OSBPL6: variants seen among roughly 807,000 people sequenced by gnomAD.
The protein encoded by OSBPL6 is oxysterol binding protein like 6.
In OSBPL6, 49 loss-of-function variants were observed where a neutral mutation model predicts 125.8. That is an observed-to-expected ratio of 0.39 (90% CI 0.31 to 0.49). OSBPL6 has a LOEUF of 0.49. Ranked by LOEUF, OSBPL6 falls within the 20% of genes least tolerant of loss-of-function variation. The pLI, the probability that OSBPL6 is intolerant of heterozygous loss-of-function variation, is 0.88. For synonymous variants in OSBPL6, 394 were observed against 391.8 expected (o/e 1.01, Z -0.07); for missense variants, 986 against 1,135.4 (o/e 0.87, Z 1.89).
chr2:178,266,092 A>G (rs921836249), intron 1 of OSBPL6, among the ~76,000 whole-genome samples: 5 of 152,186 alleles, frequency 3.3e-5, no homozygotes, highest in African/African-American at 4.8e-5. Context: ...TTTCGGGCCA[A>G]GGAAACAGAA....
At chr2:178,354,176 A>G (rs1045015201) in intron 12 of OSBPL6, among the ~76,000 whole-genome samples, 5 of 152,264 alleles carry the variant, frequency 3.3e-5, no homozygotes, top group African/African-American at 4.8e-5. Context: ...AAACTGCGTC[A>G]GTTAACAGGC....
At chr2:178,234,461 A>G (rs2090966450) in intron 1 of OSBPL6, among the ~76,000 whole-genome samples, 1 of 152,180 alleles carries the variant, frequency 6.6e-6, no homozygotes. Flanking sequence ...TTTTAAGATA[A>G]TTATAGATTC....
At chr2:178,385,001 C>A (rs750741453) in intron 18 of OSBPL6, among the ~76,000 whole-genome samples, 3 of 152,034 alleles carry the variant, frequency 2.0e-5, no homozygotes, top group Non-Finnish European at 4.4e-5. Flanking sequence ...AACCAAACAC[C>A]GCATGTTCTC....
At chr2:178,269,037 T>C (rs2092313941) in intron 1 of OSBPL6, among the ~76,000 whole-genome samples, 1 of 152,240 alleles carries the variant, frequency 6.6e-6, no homozygotes, top group Non-Finnish European at 1.5e-5. Flanking sequence ...TGGTCCATAT[T>C]GCTTTGCATA....
At position 178,383,050 on chromosome 2, in the gene OSBPL6, G is replaced by C; in HGVS notation, c.1648G>C (p.Ala550Pro). ...CCTGAATGGGGAGCTTACAGGAGGG[G>C]CCTTCCGAAATGGGCGTCGAGCATG... Reference protein sequence around the residue: ...QILNGELTGGAFRNGRRACLP... With the variant: ...QILNGELTGGPFRNGRRACLP... The change falls in exon 17 of 25, where the codon GCC becomes CCC. Residue 550 changes from alanine to proline, a missense_variant. Around this residue, in one of 3 missense-constraint regions of OSBPL6, gnomAD observed 843 missense variants for 997.3 expected, o/e 0.85. Transcript: ENST00000190611. 6.2e-7 allele frequency: 1 copy of C among 1,614,176 alleles called. No homozygotes were observed.
chr2:178,219,943 G>T (rs985377798), intron 1 of OSBPL6, among the ~76,000 whole-genome samples: 9 of 152,146 alleles, frequency 5.9e-5, no homozygotes, highest in African/African-American at 2.2e-4. Flanking sequence ...CCTAAGTGGT[G>T]GTCTGGGGAT....
At chr2:178,228,406 G>A (rs546221862) in intron 1 of OSBPL6, among the ~76,000 whole-genome samples, 8 of 152,288 alleles carry the variant, frequency 5.3e-5, no homozygotes, top group African/African-American at 1.2e-4. Flanking sequence ...GTGGTGGCGT[G>A]CGCCTGTAGT....
intron 1 of OSBPL6, among the ~76,000 whole-genome samples, chr2:178,201,948 A>G (rs1342073873): frequency 6.6e-6 from 1 of 152,258 alleles, no homozygotes; most frequent in African/African-American, 2.4e-5. Context: ...TAGTAGGCTC[A>G]TAGAACTTTC....
intron 1 of OSBPL6, among the ~76,000 whole-genome samples, chr2:178,263,481 A>T (rs1476729584): frequency 1.3e-5 from 2 of 152,248 alleles, no homozygotes; most frequent in Admixed American, 6.5e-5. Context: ...TCAGTCCCAA[A>T]AAAAGGAATA....
intron 1 of OSBPL6, among the ~76,000 whole-genome samples, chr2:178,245,514 C>T (rs1228334139): frequency 6.6e-6 from 1 of 152,196 alleles, no homozygotes; most frequent in East Asian, 1.9e-4. Flanking sequence ...TATTCCAAGT[C>T]AGTGTGTGTT....
At chr2:178,257,198 A>G (rs1220313605) in intron 1 of OSBPL6, among the ~76,000 whole-genome samples, 2 of 152,200 alleles carry the variant, frequency 1.3e-5, no homozygotes, top group Non-Finnish European at 2.9e-5. Flanking sequence ...TGAGTTTTAT[A>G]ATGGTTGATT....
intron 1 of OSBPL6, among the ~76,000 whole-genome samples, chr2:178,270,569 C>T (rs1178112823): frequency 1.3e-5 from 2 of 152,176 alleles, no homozygotes; most frequent in African/African-American, 2.4e-5. Flanking sequence ...CTTAGCCACT[C>T]ACCGCATGAC....
chr2:178,200,111 C>T (rs746371011), intron 1 of OSBPL6, among the ~76,000 whole-genome samples: 1 of 152,098 alleles, frequency 6.6e-6, no homozygotes, highest in Admixed American at 6.5e-5. Flanking sequence ...AAGATTAAAG[C>T]ACATTTCTTT....
At chr2:178,205,531 A>C (rs1361224243) in intron 1 of OSBPL6, among the ~76,000 whole-genome samples, 4 of 152,216 alleles carry the variant, frequency 2.6e-5, no homozygotes, top group Non-Finnish European at 5.9e-5. Flanking sequence ...TTCTAGAAAA[A>C]GAAAATAAGC....
chr2:178,307,761 A>G (rs899425484), intron 3 of OSBPL6, among the ~76,000 whole-genome samples: 1 of 152,052 alleles, frequency 6.6e-6, no homozygotes, highest in Admixed American at 6.6e-5. Flanking sequence ...AAGCAGCATG[A>G]CCTTCCTGAC....
intron 1 of OSBPL6, among the ~76,000 whole-genome samples, chr2:178,213,335 A>T (rs1396775401): frequency 6.6e-6 from 1 of 152,080 alleles, no homozygotes; most frequent in African/African-American, 2.4e-5. Context: ...GTTATCTTAC[A>T]GGAATTACAA....
At chr2:178,255,597 T>G (rs1356321451) in intron 1 of OSBPL6, among the ~76,000 whole-genome samples, 1 of 152,156 alleles carries the variant, frequency 6.6e-6, no homozygotes, top group African/African-American at 2.4e-5. Flanking sequence ...TCTCTAAGCG[T>G]TTTTCTCCAT....
intron 1 of OSBPL6, among the ~76,000 whole-genome samples, chr2:178,241,274 C>G (rs1283862239): frequency 6.6e-6 from 1 of 151,854 alleles, no homozygotes; most frequent in Non-Finnish European, 1.5e-5. Flanking sequence ...CCACCACGCC[C>G]AGCTAATTTT....
chr2:178,333,353 A>G (rs1359488969), intron 8 of OSBPL6, among the ~76,000 whole-genome samples: 2 of 152,182 alleles, frequency 1.3e-5, no homozygotes, highest in African/African-American at 4.8e-5. Flanking sequence ...CCACTACTGA[A>G]TAGCCTGGGC....
Sources: allele counts gnomAD v4.1 joint callset (sites outside exome capture counted in the v4.1 genomes callset), GRCh38; gene constraint gnomAD v4.1.1; regional missense constraint gnomAD v4.1.1; transcripts MANE v1.5; gene names NCBI Gene and HGNC (gene_info 2026-07-23, HGNC 2026-07-21).